CFAP90: variants seen among roughly 807,000 people sequenced by gnomAD.
CFAP90 encodes cilia- and flagella-associated protein 90.
chr5:7,845,171 CACTT>C, the CFAP90 span, among the ~76,000 whole-genome samples: 2 of 152,112 alleles, frequency 1.3e-5, no homozygotes, highest in African/African-American at 4.8e-5. Flanking sequence ...CCTGAGGACT[CACTT>C]ACTATCATGA....
the CFAP90 span, chr5:7,850,882 G>A: frequency 7.5e-7 from 1 of 1,329,056 alleles, no homozygotes. Context: ...CACCCGCGCC[G>A]GGCGGTAGTA....
chr5:7,832,378 C>G, the CFAP90 span, among the ~76,000 whole-genome samples: 2 of 152,120 alleles, frequency 1.3e-5, no homozygotes, highest in African/African-American at 4.8e-5. Flanking sequence ...ATGTCCAGGT[C>G]CTCCCTGACC....
chr5:7,848,388 G>GATATC, the CFAP90 span, among the ~76,000 whole-genome samples: 1 of 152,132 alleles, frequency 6.6e-6, no homozygotes, highest in Non-Finnish European at 1.5e-5. Context: ...TCAGATACCA[G>GATATC]AGATCCTCCT....
chr5:7,835,226 T>G, the CFAP90 span, among the ~76,000 whole-genome samples: 1 of 152,186 alleles, frequency 6.6e-6, no homozygotes, highest in African/African-American at 2.4e-5. Context: ...ATGGCACCAA[T>G]AGACTTACTT....
At chr5:7,846,099 G>C in the CFAP90 span, among the ~76,000 whole-genome samples, 1 of 151,974 alleles carries the variant, frequency 6.6e-6, no homozygotes, top group African/African-American at 2.4e-5. Flanking sequence ...GTGCTACTTT[G>C]CATTGATTAA....
chr5:7,842,395 A>G, the CFAP90 span, among the ~76,000 whole-genome samples: 123 of 151,720 alleles, frequency 8.1e-4, no homozygotes, highest in African/African-American at 2.9e-3. Flanking sequence ...CTCATCAAAC[A>G]TACTACCTCT....
chr5:7,850,989 G>C, the CFAP90 span: 1 of 1,292,436 alleles, frequency 7.7e-7, no homozygotes, highest in East Asian at 2.9e-5. Flanking sequence ...CCCGCAGCGT[G>C]GACGCGGTGG....
chr5:7,832,128 CT>C, the CFAP90 span: 1 of 1,226,898 alleles, frequency 8.2e-7, no homozygotes, highest in Non-Finnish European at 1.1e-6. Context: ...CTTTTTCTGC[CT>C]GGGTCCCACC....
the CFAP90 span, among the ~76,000 whole-genome samples, chr5:7,848,143 G>C: frequency 6.6e-6 from 1 of 152,108 alleles, no homozygotes; most frequent in Non-Finnish European, 1.5e-5. Flanking sequence ...ATGAGATTAT[G>C]TATAGGTAAC....
chr5:7,850,637 C>T, the CFAP90 span, among the ~76,000 whole-genome samples: 1 of 145,236 alleles, frequency 6.9e-6, no homozygotes, highest in Non-Finnish European at 1.5e-5. Context: ...GCCCCTAGGC[C>T]CCCGCCCCTA....
At chr5:7,844,981 T>G in the CFAP90 span, among the ~76,000 whole-genome samples, 130 of 152,292 alleles carry the variant, frequency 8.5e-4, no homozygotes, top group East Asian at 0.021. Flanking sequence ...TGCCTAGGAC[T>G]GGGTAATTTA....
the CFAP90 span, among the ~76,000 whole-genome samples, chr5:7,835,019 T>C: frequency 1.8e-4 from 27 of 152,286 alleles, no homozygotes; most frequent in African/African-American, 5.5e-4. Context: ...ACCACGGCAA[T>C]AAATATCACT....
At chr5:7,844,548 CAACAAGAT>C in the CFAP90 span, among the ~76,000 whole-genome samples, 1 of 151,936 alleles carries the variant, frequency 6.6e-6, no homozygotes, top group Non-Finnish European at 1.5e-5. Flanking sequence ...TGGGAGAAAA[CAACAAGAT>C]AACTAAGGAA....
chr5:7,832,331 C>T, the CFAP90 span, among the ~76,000 whole-genome samples: 1 of 152,126 alleles, frequency 6.6e-6, no homozygotes, highest in African/African-American at 2.4e-5. Flanking sequence ...GCTCCTGCTG[C>T]TGCTGGTCCC....
At chr5:7,835,415 A>G in the CFAP90 span, 2 of 1,604,112 alleles carry the variant, frequency 1.2e-6, no homozygotes, top group Non-Finnish European at 1.7e-6. Context: ...GGCTTTTTGC[A>G]TGTTCTCTGT....
chr5:7,841,748 TC>T, the CFAP90 span, among the ~76,000 whole-genome samples: 1 of 152,160 alleles, frequency 6.6e-6, no homozygotes, highest in Non-Finnish European at 1.5e-5. Context: ...TCCCGCATGT[TC>T]TTACTTACAA....
At chr5:7,836,683 C>T in the CFAP90 span, among the ~76,000 whole-genome samples, 1 of 152,192 alleles carries the variant, frequency 6.6e-6, no homozygotes. Context: ...TGGTCTATGA[C>T]AAAAGTCTGT....
At chr5:7,841,675 G>A in the CFAP90 span, among the ~76,000 whole-genome samples, 3 of 152,130 alleles carry the variant, frequency 2.0e-5, no homozygotes, top group African/African-American at 7.2e-5. Flanking sequence ...ATCCTTTTCA[G>A]GGACATGGAT....
At chr5:7,847,951 T>C in the CFAP90 span, among the ~76,000 whole-genome samples, 1 of 152,174 alleles carries the variant, frequency 6.6e-6, no homozygotes, top group Non-Finnish European at 1.5e-5. Flanking sequence ...TTTTATTCTG[T>C]CCAACAGCCA....
Sources: allele counts gnomAD v4.1 joint callset (sites outside exome capture counted in the v4.1 genomes callset), GRCh38; gene constraint gnomAD v4.1.1; transcripts MANE v1.5; gene names NCBI Gene and HGNC (gene_info 2026-07-23, HGNC 2026-07-21).